Variants in ABLIM2 observed in about 807,000 individuals in gnomAD.
ABLIM2 encodes the protein actin binding LIM protein family member 2.
Under a neutral mutation model 97.7 loss-of-function variants are expected in ABLIM2, and 53 were observed. That is an observed-to-expected ratio of 0.54 (90% CI 0.44 to 0.68). The LOEUF is 0.68. ABLIM2 is among the 30% of genes least tolerant of loss of function. The pLI is 0.00. For synonymous variants in ABLIM2, 361 were observed against 345.8 expected, an observed-to-expected ratio of 1.04 and a Z score of -0.49; for missense variants, 835 against 867.2, an observed-to-expected ratio of 0.96 and a Z score of 0.47.
intron 6 of ABLIM2, among the ~76,000 whole-genome samples, chr4:8,076,896 GGT>G (rs1561204505): frequency 1.6e-5 from 1 of 62,732 alleles, no homozygotes; most frequent in Non-Finnish European, 3.6e-5. Flanking sequence ...AGGGTGGGGG[GGT>G]CTGTGAACCC....
chr4:7,982,662 C>T (rs1739659201), intron 20 of ABLIM2, among the ~76,000 whole-genome samples: 1 of 152,122 alleles, frequency 6.6e-6, no homozygotes, highest in Non-Finnish European at 1.5e-5. Context: ...GCAGTTTACT[C>T]AACCTCAGTA....
intron 20 of ABLIM2, among the ~76,000 whole-genome samples, chr4:7,967,587 G>A (rs747058886): frequency 1.3e-5 from 2 of 152,182 alleles, no homozygotes; most frequent in Non-Finnish European, 2.9e-5. Flanking sequence ...TGCCAGGCAC[G>A]GCCCAGGCCC....
chr4:8,020,667 C>T (rs1194382664), intron 12 of ABLIM2: 4 of 305,780 alleles, frequency 1.3e-5, no homozygotes, highest in South Asian at 4.1e-5. Flanking sequence ...AAACAAAGGC[C>T]CCTCTTCCTA....
At chr4:8,143,170 G>GGGT (rs61114929) in intron 1 of ABLIM2, among the ~76,000 whole-genome samples, 1 of 136,162 alleles carries the variant, frequency 7.3e-6, no homozygotes, top group Non-Finnish European at 1.7e-5. Context: ...GGGGGGGGGG[G>GGGT]GCGTCTGCAA....
At chr4:8,093,131 G>T (rs974511280) in intron 3 of ABLIM2, among the ~76,000 whole-genome samples, 34 of 152,312 alleles carry the variant, frequency 2.2e-4, no homozygotes, top group African/African-American at 7.5e-4. Flanking sequence ...TTACAGGCGT[G>T]AGCCACCGCA....
intron 1 of ABLIM2, among the ~76,000 whole-genome samples, chr4:8,121,013 A>G (rs1476378332): frequency 1.3e-5 from 2 of 152,204 alleles, no homozygotes; most frequent in Non-Finnish European, 1.5e-5. Context: ...AAATCAAAAA[A>G]CGATAGTCCA....
chr4:8,050,949 A>T lies in ABLIM2; in HGVS notation c.822+3239T>A, dbSNP rs573638802. 1.7e-4 allele frequency among the ~76,000 whole-genome samples: 26 copies of T among 152,376 alleles called. No individual in the cohort carries two copies. In the East Asian group the frequency reaches 5.0e-3, roughly 29 times the overall value. ...GAGCCCAGGAAACAAGGACGCCTGC[A>T]CAGGCCCCCGAGCACAAGGACTCCT... On this transcript the variant is annotated intron_variant, in intron 8 of 20. Coordinates refer to ENST00000447017, the MANE Select transcript of ABLIM2 (RefSeq NM_001130083.2).
chr4:7,983,516 C>T (rs759444010), intron 19 of ABLIM2, 31 bp downstream of exon 19: 53 of 1,612,496 alleles, frequency 3.3e-5, no homozygotes, highest in East Asian at 1.3e-4. Context: ...TGGCGCGGCA[C>T]GGAGGTCAGT....
At position 8,019,388 on chromosome 4, in the gene ABLIM2, G is replaced by A. The variant is rs148577427; in HGVS notation, c.1423+230C>T. On this transcript the variant is annotated intron_variant, in intron 14 of 20. Transcript: ENST00000447017. The surrounding 1 kb of genome is among the most constrained non-coding windows in gnomAD (Gnocchi z 4.3). ...CTGGCTGATGTGCATTAGCCTCGGCGTCGTAACGCACAGAAGTTCCTTACT... is the reference window on the plus strand; with the variant it reads ...CTGGCTGATGTGCATTAGCCTCGGCATCGTAACGCACAGAAGTTCCTTACT... 0.015 allele frequency among the ~76,000 whole-genome samples: 2,231 copies of A among 152,244 alleles called. 18 individuals carry two copies. Among genetic ancestry groups the A allele is most frequent in the Non-Finnish European group, 0.021 (1,426 of 68,000 alleles).
chr4:7,985,382 C>T (rs1742995461), intron 17 of ABLIM2, among the ~76,000 whole-genome samples: 1 of 152,158 alleles, frequency 6.6e-6, no homozygotes, highest in Non-Finnish European at 1.5e-5. Flanking sequence ...TCAGGGAGCC[C>T]CAGGGTCCAC....
intron 20 of ABLIM2, among the ~76,000 whole-genome samples, chr4:7,968,017 TCTGAG>T (rs1375217733): frequency 6.6e-6 from 1 of 152,214 alleles, no homozygotes; most frequent in African/African-American, 2.4e-5. Context: ...CTCAGCAGGC[TCTGAG>T]AAACCCCGCA....
rs1760288689 is a variant in ABLIM2, at chr4:8,005,175, G to A, written c.1618+2884C>T. The A allele has an allele frequency of 1.8e-5, 7 of 380,534 alleles. No individual in the cohort carries two copies. The highest frequency in any genetic ancestry group is 7.0e-5 in the East Asian group (1 of 14,382). The allele number at this position is 380,534 out of a possible 1,614,324, so 23.6% of individuals were successfully genotyped here. ...CCAAAGAGGTGCCCGGCGGGCAGGC[G>A]GCGGCGGGATGCGTGTGCGCTCGCT... On this transcript the variant is annotated intron_variant, in intron 16 of 20. Coordinates refer to ENST00000447017, the MANE Select transcript of ABLIM2 (RefSeq NM_001130083.2). This position sits in a 1 kb window ranked among gnomAD's most constrained non-coding sequence, Gnocchi z 4.9.
chr4:8,041,899 A>G (rs1195141281), intron 9 of ABLIM2, among the ~76,000 whole-genome samples: 1 of 131,796 alleles, frequency 7.6e-6, no homozygotes, highest in East Asian at 2.1e-4. Flanking sequence ...GTGAGACTCC[A>G]CTTCAAAAAA....
At chr4:8,008,307 C>A in intron 15 of ABLIM2, 107 bp from the exon 16 acceptor site, 6 of 1,117,918 alleles carry the variant, frequency 5.4e-6, no homozygotes, top group Non-Finnish European at 1.3e-6. Flanking sequence ...TACGAGCTGA[C>A]CCCACTGTGA....
intron 12 of ABLIM2, among the ~76,000 whole-genome samples, chr4:8,026,483 G>A (rs1188362760): frequency 3.3e-5 from 5 of 152,266 alleles, no homozygotes; most frequent in Non-Finnish European, 7.3e-5. Flanking sequence ...AACCCTGTTT[G>A]GTGACCATCC....
At chr4:8,027,665 G>A (rs907656211) in intron 12 of ABLIM2, 94 bp downstream of exon 12, 16 of 1,007,684 alleles carry the variant, frequency 1.6e-5, no homozygotes, top group Admixed American at 1.4e-4. Context: ...CAGGGGCTCC[G>A]GTGAAGCCAT....
At chr4:8,142,406 C>T (rs564028371) in intron 1 of ABLIM2, among the ~76,000 whole-genome samples, 4 of 152,334 alleles carry the variant, frequency 2.6e-5, no homozygotes, top group East Asian at 3.9e-4. Flanking sequence ...GACTGCATTA[C>T]GATGACTCTC....
intron 1 of ABLIM2, among the ~76,000 whole-genome samples, chr4:8,126,936 G>A (rs527479686): frequency 1.6e-4 from 24 of 152,138 alleles, no homozygotes; most frequent in Admixed American, 4.6e-4. Flanking sequence ...GTCTGGTGGC[G>A]TGCACCTTAG....
chr4:8,130,764 TACA>T lies in ABLIM2; in HGVS notation c.11-24130_11-24128del, dbSNP rs374577043. ...GAGAGACGGTCTGGGCAGAGAGCAG[TACA>T]ACAAGGACAGGAATACAAAATCGGT... On this transcript the variant is annotated intron_variant, in intron 1 of 20. Transcript: ENST00000447017. The surrounding 1 kb of genome is among the most constrained non-coding windows in gnomAD (Gnocchi z 4.2). Among the ~76,000 whole-genome samples the T allele has an allele frequency of 7.8e-4, 119 of 152,188 alleles. No homozygotes were observed. Among genetic ancestry groups the T allele is most frequent in the African/African-American group, 2.7e-3 (112 of 41,496 alleles).
Sources: allele counts gnomAD v4.1 joint callset (sites outside exome capture counted in the v4.1 genomes callset), GRCh38; gene constraint gnomAD v4.1.1; non-coding constraint Gnocchi (gnomAD v3.1); transcripts MANE v1.5; gene names NCBI Gene and HGNC (gene_info 2026-07-23, HGNC 2026-07-21).